Variants in EPHB1 observed in about 807,000 individuals in gnomAD.
EPHB1 encodes the protein ephrin type-B receptor 1.
Under a neutral mutation model 94.4 loss-of-function variants are expected in EPHB1, and 30 were observed. The observed-to-expected ratio is 0.32, with a 90% CI of 0.24 to 0.43. The LOEUF (loss-of-function observed/expected upper bound fraction) is 0.43, where lower values mean the gene tolerates loss of function less well. Among genes scored for constraint, EPHB1 ranks in the 20% least tolerant of loss-of-function variants. The probability of loss-of-function intolerance (pLI) is 1.00; values close to 1 mark genes in which losing one functional copy is unlikely to be tolerated. For synonymous variants in EPHB1, 522 were observed against 489.1 expected, an observed-to-expected ratio of 1.07 and a Z score of -0.89; for missense variants, 1,055 against 1,308.3, an observed-to-expected ratio of 0.81 and a Z score of 2.99.
chr3:135,162,219 G>A, intron 7 of EPHB1, 39 bp downstream of exon 7: 1 of 1,524,546 alleles, frequency 6.6e-7, no homozygotes, highest in Non-Finnish European at 8.8e-7. Flanking sequence ...TCACAGGGCA[G>A]GCAGTGTGGG....
chr3:135,216,777 C>T lies in EPHB1; in HGVS notation c.2346+15088C>T, dbSNP rs1027873451. 2.0e-5 allele frequency among the ~76,000 whole-genome samples: 3 copies of T among 149,740 alleles called. No homozygotes were observed. The South Asian group carries it at 6.4e-4, about 32-fold the overall frequency. ...CCCTCAGTCCTGAGATTTTTCTACA[C>T]CACTGAAACAAAAATATGCAAATTA... On this transcript the variant is annotated intron_variant, in intron 12 of 15. Transcript: ENST00000398015.
intron 1 of EPHB1, among the ~76,000 whole-genome samples, chr3:134,827,837 C>T (rs189468525): frequency 2.0e-5 from 3 of 152,246 alleles, no homozygotes; most frequent in Non-Finnish European, 2.9e-5. Context: ...TGCTGGCTGG[C>T]AGAAACCGAC....
chr3:135,107,917 G>A (rs1482325258), intron 4 of EPHB1, among the ~76,000 whole-genome samples: 3 of 152,236 alleles, frequency 2.0e-5, no homozygotes, highest in African/African-American at 7.2e-5. Flanking sequence ...TTTCTGTTGT[G>A]CTATCTCCTC....
chr3:135,099,334 CGGATGGATGGATGGAT>C (rs979185011), intron 3 of EPHB1, among the ~76,000 whole-genome samples: 1 of 17,042 alleles, frequency 5.9e-5, no homozygotes, highest in Non-Finnish European at 2.2e-4. Flanking sequence ...GATGGATGGA[CGGATGGATGGATGGAT>C]GGATGGATGG....
intron 1 of EPHB1, among the ~76,000 whole-genome samples, chr3:134,898,339 G>A (rs79046808): frequency 0.039 from 5,953 of 152,216 alleles, 367 homozygotes; most frequent in African/African-American, 0.14. Context: ...TGCTGCTCAT[G>A]GCAGGATGGG....
At chr3:135,014,975 C>T (rs1357487467) in intron 3 of EPHB1, among the ~76,000 whole-genome samples, 1 of 152,196 alleles carries the variant, frequency 6.6e-6, no homozygotes, top group Non-Finnish European at 1.5e-5. Context: ...CACAGATTAA[C>T]CCCCTGTCTT....
At chr3:134,841,187 C>T (rs920035923) in intron 1 of EPHB1, among the ~76,000 whole-genome samples, 2 of 152,086 alleles carry the variant, frequency 1.3e-5, no homozygotes, top group African/African-American at 4.8e-5. Context: ...GGGAGTTTTC[C>T]TGGTTTCCAG....
At chr3:134,925,300 A>T (rs1437632648) in intron 1 of EPHB1, among the ~76,000 whole-genome samples, 5 of 152,218 alleles carry the variant, frequency 3.3e-5, no homozygotes, top group Non-Finnish European at 7.3e-5. Flanking sequence ...GTCAATATAG[A>T]TGCCTGATGG....
rs73862047 is a variant in EPHB1, at chr3:135,217,463, C to T, written c.2346+15774C>T. On this transcript the variant is annotated intron_variant, in intron 12 of 15. Transcript: ENST00000398015. ...ACACACACACACACACACACACACA[C>T]ACACGCACACGGGGAGAGAGAGAGA... 5.8e-3 allele frequency among the ~76,000 whole-genome samples: 824 copies of T among 142,996 alleles called. 11 individuals are homozygous for T. Among genetic ancestry groups the T allele is most frequent in the African/African-American group, 0.022 (768 of 35,056 alleles). 93.8% of individuals were successfully genotyped at this position (142,996 alleles called of 152,430 possible).
intron 3 of EPHB1, among the ~76,000 whole-genome samples, chr3:135,053,744 T>TG (rs1559811422): frequency 6.6e-6 from 1 of 152,110 alleles, no homozygotes; most frequent in African/African-American, 2.4e-5. Flanking sequence ...CCCTGCACTT[T>TG]GGGGGGCTGA....
intron 1 of EPHB1, among the ~76,000 whole-genome samples, chr3:134,796,800 C>T (rs1292695571): frequency 2.0e-5 from 3 of 152,374 alleles, no homozygotes; most frequent in South Asian, 2.1e-4. Context: ...TGTCCTGCTC[C>T]GGATGGAACT....
intron 3 of EPHB1, among the ~76,000 whole-genome samples, chr3:135,012,881 C>T (rs952213547): frequency 4.6e-5 from 7 of 152,198 alleles, no homozygotes; most frequent in Admixed American, 3.3e-4. Context: ...TGATCCAGAT[C>T]CTTGAGTAAA....
At chr3:134,821,288 C>T (rs1453431461) in intron 1 of EPHB1, among the ~76,000 whole-genome samples, 1 of 152,202 alleles carries the variant, frequency 6.6e-6, no homozygotes, top group Non-Finnish European at 1.5e-5. Context: ...AAAACACCCT[C>T]ATGGAAGCAC....
chr3:134,900,877 A>G (rs1046674353), intron 1 of EPHB1, among the ~76,000 whole-genome samples: 12 of 152,122 alleles, frequency 7.9e-5, no homozygotes, highest in Non-Finnish European at 8.8e-5. Flanking sequence ...GAAGGTCTCA[A>G]TGGACCAACA....
At chr3:135,256,274 G>T (rs1246729908) in intron 15 of EPHB1, among the ~76,000 whole-genome samples, 5 of 152,164 alleles carry the variant, frequency 3.3e-5, no homozygotes, top group Non-Finnish European at 5.9e-5. Flanking sequence ...ATGTTAGCTG[G>T]TTATTTTGCT....
chr3:135,254,428 T>G (rs1458350758), intron 15 of EPHB1, among the ~76,000 whole-genome samples: 1 of 123,758 alleles, frequency 8.1e-6, no homozygotes, highest in Non-Finnish European at 1.7e-5. Flanking sequence ...CATGAAGGGT[T>G]GTTGAATTTT....
At chr3:135,136,940 T>C (rs951478363) in intron 5 of EPHB1, among the ~76,000 whole-genome samples, 1 of 152,180 alleles carries the variant, frequency 6.6e-6, no homozygotes, top group East Asian at 1.9e-4. Flanking sequence ...TGCAGAGAGA[T>C]TGTTATCACC....
intron 1 of EPHB1, among the ~76,000 whole-genome samples, chr3:134,849,784 C>T (rs967536597): frequency 3.3e-5 from 5 of 152,160 alleles, no homozygotes; most frequent in Non-Finnish European, 5.9e-5. Flanking sequence ...CTGGGCCACC[C>T]CAGAAAGACC....
At chr3:135,017,148 C>T (rs996679852) in intron 3 of EPHB1, among the ~76,000 whole-genome samples, 1 of 152,196 alleles carries the variant, frequency 6.6e-6, no homozygotes, top group Admixed American at 6.5e-5. Context: ...TAATTCACAG[C>T]TCTGTGTGCA....
Sources: allele counts gnomAD v4.1 joint callset (sites outside exome capture counted in the v4.1 genomes callset), GRCh38; gene constraint gnomAD v4.1.1; transcripts MANE v1.5; gene names NCBI Gene and HGNC (gene_info 2026-07-23, HGNC 2026-07-21).